Variants in LRTM3 observed in about 807,000 individuals in gnomAD.
LRTM3 encodes the protein leucine-rich repeat transmembrane protein 3.
the LRTM3 span, chr13:102,746,934 T>C: frequency 6.4e-7 from 1 of 1,551,220 alleles, no homozygotes; most frequent in Non-Finnish European, 8.7e-7. Context: ...GATAGTTCCA[T>C]TATGGGAGAA....
the LRTM3 span, chr13:102,739,429 T>G: frequency 5.8e-6 from 9 of 1,550,548 alleles, no homozygotes; most frequent in Non-Finnish European, 7.0e-6. Context: ...GGAGCTTTAG[T>G]GGTGGAAGGC....
At chr13:102,740,589 C>A in the LRTM3 span, 2 of 1,548,874 alleles carry the variant, frequency 1.3e-6, no homozygotes, top group Non-Finnish European at 1.7e-6. Flanking sequence ...ACTATGACAT[C>A]CATTTGTTTC....
At chr13:102,733,090 A>T in the LRTM3 span, 1 of 1,551,388 alleles carries the variant, frequency 6.4e-7, no homozygotes, top group African/African-American at 1.4e-5. Flanking sequence ...TCTTGTCCAC[A>T]TCTGTTTCCG....
chr13:102,740,400 A>G, the LRTM3 span: 4 of 1,550,178 alleles, frequency 2.6e-6, no homozygotes, highest in Non-Finnish European at 3.5e-6. Context: ...CGGCTTGATA[A>G]ATTACCTCCT....
chr13:102,747,012 C>T, the LRTM3 span: 4 of 1,551,192 alleles, frequency 2.6e-6, no homozygotes, highest in South Asian at 4.8e-5. Flanking sequence ...GTTTTAATCT[C>T]CTTCTCTAGA....
chr13:102,754,485 T>C, the LRTM3 span, among the ~76,000 whole-genome samples: 1 of 152,160 alleles, frequency 6.6e-6, no homozygotes, highest in African/African-American at 2.4e-5. Context: ...ATTTGCTGAA[T>C]GACCATCTCC....
At chr13:102,755,105 A>G in the LRTM3 span, among the ~76,000 whole-genome samples, 1 of 152,172 alleles carries the variant, frequency 6.6e-6, no homozygotes, top group African/African-American at 2.4e-5. Flanking sequence ...ATACCTGGTC[A>G]GCTCGGGTCC....
At chr13:102,748,701 C>CA in the LRTM3 span, 1 of 1,549,782 alleles carries the variant, frequency 6.5e-7, no homozygotes. Context: ...TCTGTAATAC[C>CA]AATTCCCTTT....
At chr13:102,742,086 C>T in the LRTM3 span, 1 of 1,550,500 alleles carries the variant, frequency 6.4e-7, no homozygotes, top group East Asian at 2.4e-5. Context: ...TTGTCTTTCT[C>T]CATTTTTACT....
chr13:102,731,730 C>T, the LRTM3 span: 3 of 1,551,358 alleles, frequency 1.9e-6, no homozygotes. Context: ...CTACTTTTAA[C>T]TTGAGGCGGT....
the LRTM3 span, among the ~76,000 whole-genome samples, chr13:102,755,957 ATATATTTTTT>A: frequency 4.4e-5 from 2 of 45,904 alleles, no homozygotes; most frequent in Non-Finnish European, 1.0e-4. Flanking sequence ...ATATATATAT[ATATATTTTTT>A]TTTTTTCCTT....
chr13:102,734,058 C>A, the LRTM3 span: 4 of 1,551,468 alleles, frequency 2.6e-6, no homozygotes, highest in Non-Finnish European at 3.5e-6. Context: ...GACAGAACCA[C>A]ACATGCTTCA....
At chr13:102,732,833 A>T in the LRTM3 span, 2 of 1,551,010 alleles carry the variant, frequency 1.3e-6, no homozygotes, top group Non-Finnish European at 1.7e-6. Context: ...ATCATTGTCC[A>T]TTTCTAATTT....
chr13:102,747,412 C>A, the LRTM3 span: 1 of 1,548,532 alleles, frequency 6.5e-7, no homozygotes, highest in Admixed American at 2.0e-5. Context: ...AGATTGCTGG[C>A]TTCTTTACTT....
At chr13:102,737,727 T>A in the LRTM3 span, 1 of 1,550,878 alleles carries the variant, frequency 6.4e-7, no homozygotes, top group Admixed American at 2.0e-5. Flanking sequence ...TCACTTGCGC[T>A]ATCACCCTCA....
chr13:102,753,966 T>G, the LRTM3 span, among the ~76,000 whole-genome samples: 3 of 152,122 alleles, frequency 2.0e-5, no homozygotes, highest in Admixed American at 2.0e-4. Flanking sequence ...ATCCCAGGTC[T>G]CTGGGAGGCC....
the LRTM3 span, chr13:102,746,202 C>A: frequency 3.2e-6 from 5 of 1,550,932 alleles, no homozygotes; most frequent in Non-Finnish European, 4.4e-6. Flanking sequence ...CAGTTCAGCA[C>A]TGGGTCTGAT....
chr13:102,746,111 A>G, the LRTM3 span: 1 of 1,551,062 alleles, frequency 6.4e-7, no homozygotes, highest in South Asian at 1.2e-5. Context: ...ACCCATTTGG[A>G]GACTAGTCTC....
chr13:102,758,602 A>G, the LRTM3 span: 31 of 1,539,684 alleles, frequency 2.0e-5, no homozygotes, highest in Non-Finnish European at 8.8e-7. Context: ...AAAAATTGTT[A>G]GAGGAGTAAT....
Sources: gnomAD v4.1 joint callset for allele counts (sites outside exome capture counted in the v4.1 genomes callset) on GRCh38, gnomAD v4.1.1 for gene constraint, MANE v1.5 for transcripts, NCBI Gene and HGNC (gene_info 2026-07-23, HGNC 2026-07-21) for gene names.